Variants in AP4B1 observed in about 807,000 individuals in gnomAD.
AP4B1 encodes the protein AP-4 complex subunit beta-1.
A neutral mutation model predicts 76.5 loss-of-function variants in AP4B1; 49 were observed. The observed-to-expected ratio is 0.64, with a 90% confidence interval of 0.51 to 0.81. The LOEUF is 0.81. Ranked by LOEUF, AP4B1 falls within the 40% of genes least tolerant of loss-of-function variation. The probability of loss-of-function intolerance (pLI) is 0.00; values close to 1 mark genes in which losing one functional copy is unlikely to be tolerated. For synonymous variants in AP4B1, 330 were observed against 333.3 expected, an observed-to-expected ratio of 0.99 and a Z score of 0.11; for missense variants, 911 against 904.9, an observed-to-expected ratio of 1.01 and a Z score of -0.09.
chr1:113,898,981 T>G, intron 5 of AP4B1, 180 bp from the exon 6 acceptor site: 1 of 984,756 alleles, frequency 1.0e-6, no homozygotes, highest in Non-Finnish European at 1.4e-6. Context: ...GGAACTTTGG[T>G]AAAAATCATT....
intron 5 of AP4B1, 171 bp downstream of exon 5, chr1:113,899,733 C>CAAA: frequency 4.7e-6 from 5 of 1,070,976 alleles, no homozygotes; most frequent in South Asian, 1.4e-5. Context: ...AAACAAAAAA[C>CAAA]AAAAAAAAAC....
chr1:113,902,062 T>G (rs761173777), intron 2 of AP4B1, 177 bp from the exon 3 acceptor site: 1 of 826,142 alleles, frequency 1.2e-6, no homozygotes, highest in Non-Finnish European at 1.9e-6. Flanking sequence ...TTTTTTCTTG[T>G]TTTTTTCAAG....
Position 113,896,409 on chromosome 1 carries a change from A to T in AP4B1, c.1359T>A (p.Ala453=). Residue 453 remains alanine (A), a synonymous_variant, in exon 8 of 10, where the codon GCT becomes GCA. Transcript: ENST00000369569. ...LGVHGERIPN[A]PYVLEDFVEN... ...CAACAAAGTCCTCTAACACATAAGGAGCATTAGGAATTCTTTCCCCATGGA... is the reference window on the plus strand; with the variant it reads ...CAACAAAGTCCTCTAACACATAAGGTGCATTAGGAATTCTTTCCCCATGGA... 3.7e-6 allele frequency: 6 copies of T among 1,614,224 alleles called. No individual in the cohort carries two copies. The highest frequency in any genetic ancestry group is 5.1e-6 in the Non-Finnish European group (6 of 1,180,044).
Position 113,901,972 on chromosome 1 carries a change from T to G in AP4B1, c.339-87A>C, listed in dbSNP as rs12079716. The G allele has an allele frequency of 3.0e-3, 4,389 of 1,487,696 alleles. 122 individuals are homozygous for G. The African/African-American group carries it at 0.052, about 18-fold the overall frequency. 92.2% of individuals were successfully genotyped at this position (1,487,696 alleles called of 1,614,324 possible). A position where few individuals can be genotyped will look rare whatever the true frequency, so the allele number is the denominator to read the frequency against. On this transcript the variant is annotated intron_variant, in intron 2 of 9. Transcript: ENST00000369569. ...CCTGTTCACCTAACAGATGGTTTAG[T>G]AGATGCTGCACCCATCAGATCATGA...
At position 113,900,065 on chromosome 1, in the gene AP4B1, A is replaced by C. The variant is rs1433167700; in HGVS notation, c.953T>G (p.Phe318Cys). ...PGHFSSHYKK[F>C]FCSYSEPHYI... ...GTGGGGCTCCGAGTAGGAGCAAAAA[A>C]ACTTTTTGTAGTGGCTGCTAAAGTG... The change falls in exon 5 of 10, where the codon TTT (phenylalanine) becomes TGT (cysteine). Residue 318 changes from phenylalanine to cysteine, a missense_variant. Coordinates refer to ENST00000369569, the MANE Select transcript of AP4B1 (RefSeq NM_001253852.3). 1 of 1,614,186 alleles carries C rather than the reference A, an allele frequency of 6.2e-7. No individual in the cohort carries two copies. Among genetic ancestry groups the C allele is most frequent in the South Asian group, 1.1e-5 (1 of 91,076 alleles).
intron 6 of AP4B1, among the ~76,000 whole-genome samples, chr1:113,898,247 T>C (rs1001444801): frequency 2.6e-5 from 4 of 152,126 alleles, no homozygotes; most frequent in African/African-American, 7.2e-5. Flanking sequence ...CTAAAGACAG[T>C]ATAAATAGAA....
intron 4 of AP4B1, 133 bp downstream of exon 4, chr1:113,901,103 G>A (rs963137401): frequency 1.3e-5 from 17 of 1,287,094 alleles, no homozygotes; most frequent in South Asian, 9.0e-5. Context: ...GCAAAACTCC[G>A]TCTCAAATAA....
chr1:113,897,497 G>A, intron 7 of AP4B1: 1 of 361,024 alleles, frequency 2.8e-6, no homozygotes, highest in Non-Finnish European at 5.4e-6. Flanking sequence ...AGGAGGCTGA[G>A]GCAAGAGAAT....
Position 113,902,919 on chromosome 1 carries a change from A to T in AP4B1, c.114-57T>A. On this transcript the variant is annotated intron_variant, in intron 1 of 9. Transcript: ENST00000369569. ...ATGCAAAATCCCCAACTTACAATGG[A>T]GGGAGTTTTACTTACATATCTCCTG... The T allele has an allele frequency of 2.0e-6, 3 of 1,523,586 alleles. 1 individual carries two copies. The highest frequency in any genetic ancestry group is 4.5e-5 in the East Asian group (2 of 44,426). The allele number at this position is 1,523,586 out of a possible 1,614,324, so 94.4% of individuals were successfully genotyped here. A position where few individuals can be genotyped will look rare whatever the true frequency, so the allele number is the denominator to read the frequency against.
rs1667308107 is a variant in AP4B1, at chr1:113,895,177, T to C, written c.2108A>G (p.Asn703Ser). Reference sequence around the variant, plus strand: ...TTTCACAGAGATCTGCATTTCTGAGTTTCCAGGCTCCAATAGCAGTTCTGT... The same window carrying C: ...TTTCACAGAGATCTGCATTTCTGAGCTTCCAGGCTCCAATAGCAGTTCTGT... ...FLTELLLEPG[N>S]SEMQISVKQN... Residue 703 changes from asparagine to serine, a missense_variant, in exon 10 of 10, where the codon AAC (asparagine) becomes AGC (serine). Physicochemically the swap from Asn to Ser is conservative, Grantham distance 46 (BLOSUM62 1). Coordinates refer to ENST00000369569, the MANE Select transcript of AP4B1 (RefSeq NM_001253852.3). 1 of 1,614,182 alleles carries C rather than the reference T, an allele frequency of 6.2e-7. No homozygotes were observed.
Position 113,901,799 on chromosome 1 carries a change from A to C in AP4B1, c.425T>G (p.Leu142Arg), listed in dbSNP as rs1558093436. The change falls in exon 3 of 10, where the codon CTT becomes CGT. Residue 142 changes from leucine to arginine, a missense_variant. Leu to Arg is a moderately radical substitution (Grantham distance 102). Coordinates refer to ENST00000369569, the MANE Select transcript of AP4B1 (RefSeq NM_001253852.3). ...AAGATTATGCATCTTGGCACATCCA[A>C]GGACTGCCACTCTCCTGACATATGA... ...KASYVRRVAV[L>R]GCAKMHNLHG... The C allele has an allele frequency of 1.9e-6, 3 of 1,614,224 alleles. No individual in the cohort carries two copies. The highest frequency in any genetic ancestry group is 2.5e-6 in the Non-Finnish European group (3 of 1,180,042).
In AP4B1 at chr1:113,901,289, T is replaced by C. The variant is rs749561367; in HGVS notation, c.564A>G (p.Lys188=). 1.2e-6 allele frequency: 2 copies of C among 1,614,018 alleles called. No homozygotes were observed. The highest frequency in any genetic ancestry group is 2.7e-5 in the African/African-American group (2 of 74,902). ...NCLRSLEEIL[K]QEGGVVINKP... is the part of the protein sequence containing the mutation. ...TATTGATGACAACGCCTCCTTCCTG[T>C]TTCAGAATTTCCTCTAGAGACCTCA... Residue 188 remains lysine, a synonymous_variant, in exon 4 of 10, where the codon AAA becomes AAG. Coordinates refer to ENST00000369569, the MANE Select transcript of AP4B1 (RefSeq NM_001253852.3).
At position 113,894,758 on chromosome 1, in the gene AP4B1, T is replaced by C. The variant is rs1667277777; in HGVS notation, c.*307A>G. 1.1e-5 allele frequency: 4 copies of C among 349,720 alleles called. No homozygotes were observed. Among genetic ancestry groups the C allele is most frequent in the South Asian group, 7.9e-5 (3 of 37,946 alleles). 21.7% of individuals were successfully genotyped at this position (349,720 alleles called of 1,614,324 possible). A position where few individuals can be genotyped will look rare whatever the true frequency, so the allele number is the denominator to read the frequency against. ...GATGACCCCTATCAGTTTCCACACATCAGCCATCTTTAATTACTAACACAA... is the reference window on the plus strand; with the variant it reads ...GATGACCCCTATCAGTTTCCACACACCAGCCATCTTTAATTACTAACACAA... On this transcript the variant is annotated 3_prime_UTR_variant, in exon 10 of 10. Coordinates refer to ENST00000369569, the MANE Select transcript of AP4B1 (RefSeq NM_001253852.3).
At position 113,895,880 on chromosome 1, in the gene AP4B1, C is replaced by T; in HGVS notation, c.1669G>A (p.Ala557Thr). Residue 557 changes from alanine to threonine, a missense_variant, in exon 9 of 10, where the codon GCC (alanine) becomes ACC (threonine). By Grantham distance (58) the Ala-to-Thr change is moderately conservative (BLOSUM62 0). Coordinates refer to ENST00000369569, the MANE Select transcript of AP4B1 (RefSeq NM_001253852.3). ...GGCACCAGTGTGTTGAAGTCTGAGG[C>T]CCAGCTATTCACAGGTCTTTCTGCC... ...DPAERPVNSW[A>T]SDFNTLVPVY... 1.2e-6 allele frequency: 2 copies of T among 1,614,182 alleles called. No homozygotes were observed. The highest frequency in any genetic ancestry group is 8.5e-7 in the Non-Finnish European group (1 of 1,180,032).
upstream of AP4B1, chr1:113,904,926 G>C: frequency 1.8e-6 from 1 of 567,166 alleles, no homozygotes; most frequent in Non-Finnish European, 3.2e-6. Context: ...CCCACCCTAG[G>C]CTCTTCAGGC....
intron 9 of AP4B1, 95 bp from the exon 10 acceptor site, chr1:113,895,587 A>G: frequency 6.4e-7 from 1 of 1,559,544 alleles, no homozygotes; most frequent in South Asian, 1.1e-5. Flanking sequence ...TGTGACTTTT[A>G]TTTTTGGACA....
chr1:113,901,842 C>T lies in AP4B1; in HGVS notation c.382G>A (p.Gly128Ser). Residue 128 changes from glycine (G) to serine (S), a missense_variant, in exon 3 of 10, where the codon GGT becomes AGT. Physicochemically the swap from Gly to Ser is moderately conservative, Grantham distance 56. Coordinates refer to ENST00000369569, the MANE Select transcript of AP4B1 (RefSeq NM_001253852.3). The part of the protein sequence containing the change: ...QEYIQQPILN[G>S]LRDKASYVRR... ...ACATATGAAGCCTTATCCCGCAGACCATTGAGAATAGGCTGTTGTATATAC... is the reference window on the plus strand; with the variant it reads ...ACATATGAAGCCTTATCCCGCAGACTATTGAGAATAGGCTGTTGTATATAC... 6.2e-7 allele frequency: 1 copy of T among 1,614,154 alleles called. No homozygotes were observed. Among genetic ancestry groups the T allele is most frequent in the Non-Finnish European group, 8.5e-7 (1 of 1,180,016 alleles).
At chr1:113,901,020 T>C (rs904564930) in intron 4 of AP4B1, 1 of 580,976 alleles carries the variant, frequency 1.7e-6, no homozygotes, top group Middle Eastern at 5.0e-4. Context: ...GGCAGGAGAA[T>C]TGCTTGAACC....
In AP4B1 at chr1:113,904,742, C is replaced by A. The variant is rs1475764917; in HGVS notation, c.-25G>T. ...TCTTCCTAAGAGTCACAGGGCAGCT[C>A]CCACAGCTCCCACGGTAACTCGAGG... On this transcript the variant is annotated 5_prime_UTR_variant, in exon 1 of 10. Transcript: ENST00000369569. The A allele has an allele frequency of 1.9e-6, 3 of 1,591,570 alleles. No homozygotes were observed. The highest frequency in any genetic ancestry group is 1.7e-6 in the Non-Finnish European group (2 of 1,161,336).
Sources: allele counts gnomAD v4.1 joint callset (sites outside exome capture counted in the v4.1 genomes callset), GRCh38; gene constraint gnomAD v4.1.1; transcripts MANE v1.5; gene names NCBI Gene and HGNC (gene_info 2026-07-23, HGNC 2026-07-21).